HELZ: variants seen among roughly 807,000 people sequenced by gnomAD.
HELZ encodes helicase with zinc finger, also known as ATP-dependent RNA helicase with zinc finger domain.
Under a neutral mutation model 218.2 loss-of-function variants are expected in HELZ, and 23 were observed. The ratio of observed to expected loss-of-function variants is 0.11; its 90% CI spans 0.08 to 0.15. The LOEUF is 0.15. Ranked by LOEUF, HELZ falls within the 10% of genes least tolerant of loss-of-function variation. HELZ has a pLI of 1.00. For synonymous variants in HELZ, 814 were observed against 829.4 expected (o/e 0.98, Z 0.32); for missense variants, 1,813 against 2,353.7 (o/e 0.77, Z 4.75).
chr17:67,200,890 G>A lies in HELZ; in HGVS notation c.429+239C>T, dbSNP rs771234869. The A allele has an allele frequency of 1.3e-5, 6 of 471,058 alleles. No individual in the cohort carries two copies. In the Admixed American group the frequency reaches 1.4e-4, roughly 11 times the overall value. 29.2% of individuals were successfully genotyped at this position (471,058 alleles called of 1,614,324 possible). On this transcript the variant is annotated intron_variant, in intron 7 of 32. Transcript: ENST00000358691. ...AGACAGCTAATAAGATACCAGTTCT[G>A]TCCACTAGGGACAGAAGATAAGCCC...
chr17:67,216,355 T>C (rs2040600626), intron 4 of HELZ, among the ~76,000 whole-genome samples: 1 of 152,192 alleles, frequency 6.6e-6, no homozygotes, highest in Non-Finnish European at 1.5e-5. Flanking sequence ...CCTACGCCTG[T>C]GCAGATCAAC....
At chr17:67,146,110 C>T (rs1025698419) in intron 20 of HELZ, among the ~76,000 whole-genome samples, 4 of 151,978 alleles carry the variant, frequency 2.6e-5, no homozygotes, top group Non-Finnish European at 2.9e-5. Flanking sequence ...TGGTAAGGTA[C>T]GAAGCCAAAA....
At chr17:67,138,238 A>AC (rs888823004) in intron 21 of HELZ, 124 bp from the exon 22 acceptor site, 7 of 705,166 alleles carry the variant, frequency 9.9e-6, no homozygotes, top group Non-Finnish European at 1.3e-5. Flanking sequence ...AAAAAAAAAA[A>AC]AACTACCCCT....
chr17:67,222,968 C>A (rs1190155214), intron 3 of HELZ, among the ~76,000 whole-genome samples: 4 of 152,030 alleles, frequency 2.6e-5, no homozygotes, highest in Non-Finnish European at 5.9e-5. Flanking sequence ...CTAAGTGAGG[C>A]CGGGCACGGT....
intron 13 of HELZ, among the ~76,000 whole-genome samples, chr17:67,174,329 G>A (rs1399724748): frequency 6.6e-6 from 1 of 152,060 alleles, no homozygotes; most frequent in East Asian, 1.9e-4. Context: ...AAAAGGCACA[G>A]TCTGATGGGA....
At chr17:67,178,047 C>G (rs35549843) in intron 13 of HELZ, among the ~76,000 whole-genome samples, 21,925 of 152,150 alleles carry the variant, frequency 0.14, 2,023 homozygotes, top group Non-Finnish European at 0.21. Context: ...TAGAAAGCTA[C>G]TACCAAATAC....
chr17:67,091,314 C>CCT (rs1387303104), intron 31 of HELZ, among the ~76,000 whole-genome samples: 1 of 151,934 alleles, frequency 6.6e-6, no homozygotes, highest in Non-Finnish European at 1.5e-5. Flanking sequence ...CCTGCTAAGG[C>CCT]CTCAATTCAT....
At chr17:67,195,838 C>CTTTTTTTTTTTTTTTTTTTTT (rs66827855) in intron 7 of HELZ, among the ~76,000 whole-genome samples, 1 of 101,542 alleles carries the variant, frequency 9.8e-6, no homozygotes. Flanking sequence ...GTTTCTTTTC[C>CTTTTTTTTTTTTTTTTTTTTT]TTTTTTTTTT....
chr17:67,130,019 A>G (rs1371208158), intron 23 of HELZ, among the ~76,000 whole-genome samples: 1 of 152,156 alleles, frequency 6.6e-6, no homozygotes, highest in African/African-American at 2.4e-5. Context: ...TTATATTATA[A>G]AAGTTAGTAT....
chr17:67,244,717 G>T (rs958133651), intron 1 of HELZ: 17 of 984,144 alleles, frequency 1.7e-5, no homozygotes, highest in Non-Finnish European at 2.1e-5. Flanking sequence ...CGAGGCCTGA[G>T]GGGGGGCATC....
At chr17:67,236,353 C>G (rs1023659910) in intron 3 of HELZ, among the ~76,000 whole-genome samples, 1 of 152,064 alleles carries the variant, frequency 6.6e-6, no homozygotes, top group Non-Finnish European at 1.5e-5. Context: ...CCCTTGAAAA[C>G]AGTAGGACAA....
intron 32 of HELZ, among the ~76,000 whole-genome samples, chr17:67,082,223 T>C (rs1257452429): frequency 6.6e-6 from 1 of 152,208 alleles, no homozygotes; most frequent in Non-Finnish European, 1.5e-5. Flanking sequence ...AAGACAATCA[T>C]CAAATAGAAT....
At chr17:67,086,754 G>A in intron 32 of HELZ, 75 bp downstream of exon 32, 1 of 1,495,922 alleles carries the variant, frequency 6.7e-7, no homozygotes. Flanking sequence ...GGGGCAGGTG[G>A]TATAGAAGAA....
At chr17:67,210,483 A>G (rs1179292283) in intron 5 of HELZ, among the ~76,000 whole-genome samples, 1 of 152,242 alleles carries the variant, frequency 6.6e-6, no homozygotes, top group Non-Finnish European at 1.5e-5. Context: ...GCTAGGCTTT[A>G]CAAATCTTAC....
chr17:67,171,886 C>A (rs2039322788), intron 13 of HELZ, among the ~76,000 whole-genome samples: 1 of 151,250 alleles, frequency 6.6e-6, no homozygotes, highest in African/African-American at 2.4e-5. Context: ...AGCTGGAGTT[C>A]AATGGCCCCA....
chr17:67,148,811 A>G (rs1019159351), intron 19 of HELZ, 97 bp from the exon 20 acceptor site: 7 of 1,118,764 alleles, frequency 6.3e-6, no homozygotes, highest in African/African-American at 3.1e-5. Flanking sequence ...AACTTCTTAT[A>G]TACAAAACTT....
chr17:67,199,064 A>C (rs2040100425), intron 7 of HELZ, among the ~76,000 whole-genome samples: 1 of 152,194 alleles, frequency 6.6e-6, no homozygotes, highest in Non-Finnish European at 1.5e-5. Context: ...ACAAAGCCAA[A>C]AATCTTAACA....
chr17:67,235,421 C>T (rs1204098978), intron 3 of HELZ, among the ~76,000 whole-genome samples: 1 of 151,892 alleles, frequency 6.6e-6, no homozygotes. Context: ...AGGAAAATCA[C>T]TTGAACCAGG....
chr17:67,106,910 AT>A (rs1484623041), intron 31 of HELZ, among the ~76,000 whole-genome samples: 3 of 152,376 alleles, frequency 2.0e-5, no homozygotes, highest in Admixed American at 2.0e-4. Flanking sequence ...AGCTCCTTGA[AT>A]AGAGTCCTCA....
Sources: allele counts gnomAD v4.1 joint callset (sites outside exome capture counted in the v4.1 genomes callset), GRCh38; gene constraint gnomAD v4.1.1; transcripts MANE v1.5; gene names NCBI Gene and HGNC (gene_info 2026-07-23, HGNC 2026-07-21).